Variants in PPP2R5D observed in about 807,000 individuals in gnomAD.
The protein encoded by PPP2R5D is protein phosphatase 2 regulatory subunit B'delta.
A neutral mutation model predicts 79.1 loss-of-function variants in PPP2R5D; 12 were observed. That is an observed-to-expected ratio of 0.15 (90% CI 0.10 to 0.25). The LOEUF (loss-of-function observed/expected upper bound fraction) is 0.25, where lower values mean the gene tolerates loss of function less well. Ranked by LOEUF, PPP2R5D falls within the 10% of genes least tolerant of loss-of-function variation. The pLI is 1.00. For synonymous variants in PPP2R5D, 277 were observed against 286.6 expected, an observed-to-expected ratio of 0.97 and a Z score of 0.34; for missense variants, 419 against 760.2, an observed-to-expected ratio of 0.55 and a Z score of 5.28.
In PPP2R5D at chr6:43,007,185, C is replaced by G. The variant is rs1465773665; in HGVS notation, c.523-11C>G. 9.9e-6 allele frequency: 16 copies of G among 1,613,970 alleles called. No individual in the cohort carries two copies. In the Admixed American group the frequency reaches 2.7e-4, roughly 27 times the overall value. ...AGCCCAGGTGGAGCTCTAACTGGCC[C>G]TACCCCTCAGTTTTCAGTGAACCTC... On this transcript the variant is annotated splice_polypyrimidine_tract_variant and intron_variant, in intron 4 of 15. Coordinates refer to ENST00000485511, the MANE Select transcript of PPP2R5D (RefSeq NM_006245.4). The surrounding 1 kb of genome is among the most constrained non-coding windows in gnomAD (Gnocchi z 4.5).
intron 2 of PPP2R5D, among the ~76,000 whole-genome samples, chr6:43,002,448 C>T (rs1252672263): frequency 6.6e-6 from 1 of 151,964 alleles, no homozygotes; most frequent in Non-Finnish European, 1.5e-5. Context: ...CAGGTGTGAG[C>T]CACCGTGCCT....
In PPP2R5D at chr6:43,008,626, A is replaced by G; in HGVS notation, c.1027-67A>G. Reference sequence around the variant, plus strand: ...CCTTCCCTTCTGGGATCTTGTTTCTATCACTGACTTCTCTGAGAGCTTCTA... The same window carrying G: ...CCTTCCCTTCTGGGATCTTGTTTCTGTCACTGACTTCTCTGAGAGCTTCTA... On this transcript the variant is annotated intron_variant, in intron 9 of 15. Coordinates refer to ENST00000485511, the MANE Select transcript of PPP2R5D (RefSeq NM_006245.4). This position sits in a 1 kb window ranked among gnomAD's most constrained non-coding sequence, Gnocchi z 4.2. 1 of 1,554,402 alleles carries G rather than the reference A, an allele frequency of 6.4e-7. No homozygotes were observed. The highest frequency in any genetic ancestry group is 8.9e-7 in the Non-Finnish European group (1 of 1,127,018).
rs1020142794 is a variant in PPP2R5D at position 43,007,840 on chromosome 6, C to A, written c.727-95C>A. On this transcript the variant is annotated intron_variant, in intron 6 of 15. Transcript: ENST00000485511. The surrounding 1 kb of genome is among the most constrained non-coding windows in gnomAD (Gnocchi z 4.5). ...ACTTGCTGGCCCCCACTCCAGGGGA[C>A]CTCTGCATTTCCCCTGGCGGGACCT... 107 of 1,492,782 alleles carry A rather than the reference C, an allele frequency of 7.2e-5. No individual in the cohort carries two copies. Among genetic ancestry groups the A allele is most frequent in the Non-Finnish European group, 9.4e-5 (101 of 1,078,672 alleles). 92.5% of individuals were successfully genotyped at this position (1,492,782 alleles called of 1,614,324 possible). A position where few individuals can be genotyped will look rare whatever the true frequency, so the allele number is the denominator to read the frequency against.
chr6:43,007,823 G>A lies in PPP2R5D; in HGVS notation c.727-112G>A. The stretch of plus-strand genomic sequence containing the variant: ...AATCACTGCTTTCTAAGACTTGCTG[G>A]CCCCCACTCCAGGGGACCTCTGCAT... On this transcript the variant is annotated intron_variant, in intron 6 of 15. Transcript: ENST00000485511. This position sits in a 1 kb window ranked among gnomAD's most constrained non-coding sequence, Gnocchi z 4.5. 1 of 1,361,654 alleles carries A rather than the reference G, an allele frequency of 7.3e-7. No homozygotes were observed. The highest frequency in any genetic ancestry group is 1.0e-6 in the Non-Finnish European group (1 of 973,380). 84.3% of individuals were successfully genotyped at this position (1,361,654 alleles called of 1,614,324 possible). A position where few individuals can be genotyped will look rare whatever the true frequency, so the allele number is the denominator to read the frequency against.
At chr6:43,004,411 A>C (rs992666595) in intron 2 of PPP2R5D, among the ~76,000 whole-genome samples, 1 of 152,206 alleles carries the variant, frequency 6.6e-6, no homozygotes, top group Non-Finnish European at 1.5e-5. Flanking sequence ...AAATTTTATC[A>C]GTATGATAAC....
chr6:42,992,305 C>T lies in PPP2R5D; in HGVS notation c.105+2617C>T, dbSNP rs377749871. On this transcript the variant is annotated intron_variant, in intron 2 of 15. Transcript: ENST00000485511. Reference sequence around the variant, plus strand: ...CGATCTCCTGACCTCGTGATCCACCCGCCTCGGCCTCCCAAAGTGCTGGGA... The same window carrying T: ...CGATCTCCTGACCTCGTGATCCACCTGCCTCGGCCTCCCAAAGTGCTGGGA... Among the ~76,000 whole-genome samples the T allele has an allele frequency of 3.9e-5, 6 of 152,078 alleles. No individual in the cohort carries two copies. In the South Asian group the frequency reaches 6.2e-4, roughly 16 times the overall value.
chr6:42,987,486 G>C (rs751727144), intron 1 of PPP2R5D, among the ~76,000 whole-genome samples: 1 of 152,150 alleles, frequency 6.6e-6, no homozygotes, highest in East Asian at 1.9e-4. Context: ...TGAGGGAAGA[G>C]GGTATTATGA....
chr6:42,989,772 G>A (rs1238251210), intron 2 of PPP2R5D, 84 bp downstream of exon 2: 1 of 1,343,442 alleles, frequency 7.4e-7, no homozygotes, highest in Non-Finnish European at 1.0e-6. Flanking sequence ...GGATCCCAGG[G>A]GGTGAGGCAG....
intron 2 of PPP2R5D, among the ~76,000 whole-genome samples, chr6:43,000,584 T>C (rs1319144930): frequency 6.6e-6 from 1 of 152,164 alleles, no homozygotes; most frequent in Non-Finnish European, 1.5e-5. Flanking sequence ...TCCTTTTCCC[T>C]TTCTGGGAAG....
In PPP2R5D at chr6:43,010,328, T is replaced by TA; in HGVS notation, c.1380-139dup. On this transcript the variant is annotated intron_variant, in intron 12 of 15. Coordinates refer to ENST00000485511, the MANE Select transcript of PPP2R5D (RefSeq NM_006245.4). The surrounding 1 kb of genome is among the most constrained non-coding windows in gnomAD (Gnocchi z 4.7). The stretch of plus-strand genomic sequence containing the variant: ...TGATTTGGCCAGAGCTCTCTTCTGA[T>TA]ACTGCACAGAGGTTTGTGAACTGGA... The TA allele has an allele frequency of 1.5e-6, 1 of 680,826 alleles. No individual in the cohort carries two copies. The highest frequency in any genetic ancestry group is 2.6e-6 in the Non-Finnish European group (1 of 390,242). 42.2% of individuals were successfully genotyped at this position (680,826 alleles called of 1,614,324 possible).
chr6:42,997,321 T>A (rs1771769848), intron 2 of PPP2R5D, among the ~76,000 whole-genome samples: 1 of 151,312 alleles, frequency 6.6e-6, no homozygotes, highest in Non-Finnish European at 1.5e-5. Flanking sequence ...GCCTCCTGAG[T>A]AGCTGGTATT....
At chr6:43,004,759 C>CTT (rs1190895437) in intron 2 of PPP2R5D, among the ~76,000 whole-genome samples, 18 of 140,210 alleles carry the variant, frequency 1.3e-4, no homozygotes, top group African/African-American at 4.2e-4. Flanking sequence ...GTTTTCTTTT[C>CTT]TTTTTTTTTT....
rs749932658 is a variant in PPP2R5D at position 43,010,578 on chromosome 6, C to T, written c.1481+9C>T. 6.2e-7 allele frequency: 1 copy of T among 1,613,542 alleles called. No homozygotes were observed. Among genetic ancestry groups the T allele is most frequent in the South Asian group, 1.1e-5 (1 of 91,062 alleles). On this transcript the variant is annotated intron_variant, in intron 13 of 15. Coordinates refer to ENST00000485511, the MANE Select transcript of PPP2R5D (RefSeq NM_006245.4). This position sits in a 1 kb window ranked among gnomAD's most constrained non-coding sequence, Gnocchi z 4.7. ...AAGGCAGAGAAGCAGAAGTGAGTAT[C>T]TCTCTCCCCGGGAGACTTTCATCTT...
rs1358792077 is a variant in PPP2R5D at position 43,011,343 on chromosome 6, G to A, written c.*57G>A. On this transcript the variant is annotated 3_prime_UTR_variant, in exon 16 of 16. Transcript: ENST00000485511. ...CACACAGCCCTGGGACACTGCCCTG[G>A]CCCTCCATACTCTGCTCCCTACTGG... The A allele has an allele frequency of 7.5e-6, 12 of 1,606,490 alleles. No homozygotes were observed. The East Asian group carries it at 2.7e-4, about 36-fold the overall frequency.
intron 2 of PPP2R5D, among the ~76,000 whole-genome samples, chr6:42,992,188 T>C (rs1459780214): frequency 1.3e-5 from 2 of 152,046 alleles, no homozygotes; most frequent in Admixed American, 1.3e-4. Flanking sequence ...GCCTCCCGAG[T>C]AGCTGGGACT....
chr6:42,984,639 C>CG lies in PPP2R5D; in HGVS notation c.-35dup. On this transcript the variant is annotated 5_prime_UTR_variant, in exon 1 of 16. Transcript: ENST00000485511. The stretch of plus-strand genomic sequence containing the variant: ...CGGCCGAGCAAAGCCGGAGCCGGAG[C>CG]GGGGCCGCAGGAGACGGGCCGGGTC... 4.4e-6 allele frequency: 7 copies of CG among 1,578,738 alleles called. No homozygotes were observed. Among genetic ancestry groups the CG allele is most frequent in the Non-Finnish European group, 6.0e-6 (7 of 1,164,506 alleles).
chr6:42,986,988 A>G (rs931742197), intron 1 of PPP2R5D, among the ~76,000 whole-genome samples: 3 of 152,078 alleles, frequency 2.0e-5, no homozygotes, highest in African/African-American at 7.3e-5. Flanking sequence ...TGCCAGTGTG[A>G]CTGAGGTTTG....
chr6:43,001,186 C>T (rs1772172393), intron 2 of PPP2R5D, among the ~76,000 whole-genome samples: 1 of 152,216 alleles, frequency 6.6e-6, no homozygotes, highest in Non-Finnish European at 1.5e-5. Context: ...CAGAGTTTCA[C>T]TCTTGTTACC....
At position 42,989,771 on chromosome 6, in the gene PPP2R5D, G is replaced by C. The variant is rs1464226979; in HGVS notation, c.105+83G>C. ...TGGCTAGTTGGGTAGGGGATCCCAG[G>C]GGGTGAGGCAGAAGGGAAGGCTTCC... On this transcript the variant is annotated intron_variant, in intron 2 of 15. Coordinates refer to ENST00000485511, the MANE Select transcript of PPP2R5D (RefSeq NM_006245.4). The C allele has an allele frequency of 5.9e-6, 8 of 1,354,604 alleles. No individual in the cohort carries two copies. The Admixed American group carries it at 1.4e-4, about 23-fold the overall frequency. The allele number at this position is 1,354,604 out of a possible 1,614,324, so 83.9% of individuals were successfully genotyped here. A position where few individuals can be genotyped will look rare whatever the true frequency, so the allele number is the denominator to read the frequency against.
Sources: gnomAD v4.1 joint callset for allele counts (sites outside exome capture counted in the v4.1 genomes callset) on GRCh38, gnomAD v4.1.1 for gene constraint, Gnocchi (gnomAD v3.1) non-coding constraint, MANE v1.5 for transcripts, NCBI Gene and HGNC (gene_info 2026-07-23, HGNC 2026-07-21) for gene names.